CNTNAP5: variants seen among roughly 807,000 people sequenced by gnomAD.
CNTNAP5 encodes contactin associated protein family member 5.
Under a neutral mutation model 150.2 loss-of-function variants are expected in CNTNAP5, and 72 were observed. The observed-to-expected ratio is 0.48, with a 90% CI of 0.40 to 0.58. CNTNAP5 has a LOEUF of 0.58. Ranked by LOEUF, CNTNAP5 falls within the 20% of genes least tolerant of loss-of-function variation. The pLI, the probability that CNTNAP5 is intolerant of heterozygous loss-of-function variation, is 0.00. For missense variants in CNTNAP5, 1,636 were observed against 1,626.2 expected (o/e 1.01, Z -0.10); for synonymous variants, 672 against 619.8 (o/e 1.08, Z -1.25).
chr2:124,597,698 TA>T (rs1160436123), intron 11 of CNTNAP5, among the ~76,000 whole-genome samples: 3 of 151,984 alleles, frequency 2.0e-5, no homozygotes, highest in Non-Finnish European at 2.9e-5. Context: ...CCTGCCTTGC[TA>T]GATTGGAGAA....
intron 19 of CNTNAP5, among the ~76,000 whole-genome samples, chr2:124,860,953 C>A (rs1250442987): frequency 6.6e-6 from 1 of 152,010 alleles, no homozygotes; most frequent in African/African-American, 2.4e-5. Flanking sequence ...GTTTTTAAAT[C>A]TGACCTCATC....
At chr2:124,224,110 T>G (rs1686398536) in intron 2 of CNTNAP5, among the ~76,000 whole-genome samples, 1 of 152,084 alleles carries the variant, frequency 6.6e-6, no homozygotes, top group Non-Finnish European at 1.5e-5. Flanking sequence ...GAATTAATTG[T>G]CTTGGATGGG....
chr2:124,110,315 G>C (rs2104704945), intron 1 of CNTNAP5, among the ~76,000 whole-genome samples: 1 of 152,214 alleles, frequency 6.6e-6, no homozygotes, highest in East Asian at 1.9e-4. Context: ...ACTGACTGTA[G>C]ATTCCATATT....
intron 3 of CNTNAP5, among the ~76,000 whole-genome samples, chr2:124,261,429 A>T (rs1687452276): frequency 6.6e-6 from 1 of 152,168 alleles, no homozygotes; most frequent in Non-Finnish European, 1.5e-5. Flanking sequence ...GCTCCCCAAA[A>T]GAGAGTGAGA....
chr2:124,914,339 TC>T lies in CNTNAP5; in HGVS notation c.*56del. On this transcript the variant is annotated 3_prime_UTR_variant, in exon 24 of 24. Transcript: ENST00000682447. Reference sequence around the variant, plus strand: ...TTTTTCTTGTTGTTCAATTATCTCCTCCCCCTCTTCTCTCCTGTCTTTTGAT... The same window carrying T: ...TTTTTCTTGTTGTTCAATTATCTCCTCCCCTCTTCTCTCCTGTCTTTTGAT... 1 of 1,271,460 alleles carries T rather than the reference TC, an allele frequency of 7.9e-7. No individual in the cohort carries two copies. The highest frequency in any genetic ancestry group is 1.1e-6 in the Non-Finnish European group (1 of 889,392). 78.8% of individuals were successfully genotyped at this position (1,271,460 alleles called of 1,614,324 possible).
intron 19 of CNTNAP5, among the ~76,000 whole-genome samples, chr2:124,856,074 T>C (rs1273485464): frequency 1.5e-5 from 2 of 129,356 alleles, no homozygotes; most frequent in Non-Finnish European, 3.2e-5. Flanking sequence ...TAATAGTCCA[T>C]GGTGTGTGTG....
chr2:124,662,477 C>T (rs1678612525), intron 13 of CNTNAP5, among the ~76,000 whole-genome samples: 1 of 152,130 alleles, frequency 6.6e-6, no homozygotes, highest in African/African-American at 2.4e-5. Flanking sequence ...CAGCACATGA[C>T]TGTATACATG....
chr2:124,711,923 A>G lies in CNTNAP5; in HGVS notation c.2078-35306A>G, dbSNP rs905514661. Among the ~76,000 whole-genome samples, 3 of 152,154 alleles carry G rather than the reference A, an allele frequency of 2.0e-5. No homozygotes were observed. The East Asian group carries it at 5.8e-4, about 29-fold the overall frequency. Reference sequence around the variant, plus strand: ...ACCTCATCACAGATAAGTAATTTCTATTTTTTACTATTTTCCTTAAGCCTG... The same window carrying G: ...ACCTCATCACAGATAAGTAATTTCTGTTTTTTACTATTTTCCTTAAGCCTG... On this transcript the variant is annotated intron_variant, in intron 13 of 23. Coordinates refer to ENST00000682447, the MANE Select transcript of CNTNAP5 (RefSeq NM_001367498.1).
intron 10 of CNTNAP5, among the ~76,000 whole-genome samples, chr2:124,530,633 C>A (rs4848243): frequency 6.6e-6 from 1 of 151,948 alleles, no homozygotes; most frequent in African/African-American, 2.4e-5. Context: ...GCCTTGCGCA[C>A]GGCTCTGGAA....
intron 7 of CNTNAP5, among the ~76,000 whole-genome samples, chr2:124,487,096 G>T (rs923053776): frequency 6.6e-6 from 1 of 152,002 alleles, no homozygotes; most frequent in Admixed American, 6.6e-5. Context: ...TCCACCCATG[G>T]GGTTATCCAG....
chr2:124,862,828 G>A (rs1447460528), intron 19 of CNTNAP5, among the ~76,000 whole-genome samples: 1 of 152,158 alleles, frequency 6.6e-6, no homozygotes, highest in Admixed American at 6.5e-5. Flanking sequence ...TTAGTGGGAG[G>A]TTTCAGAACA....
At chr2:124,461,793 G>A (rs556656143) in intron 6 of CNTNAP5, among the ~76,000 whole-genome samples, 4 of 151,454 alleles carry the variant, frequency 2.6e-5, no homozygotes, top group Non-Finnish European at 2.9e-5. Context: ...CCCAGGAGGT[G>A]GAGGTTGCAG....
intron 19 of CNTNAP5, among the ~76,000 whole-genome samples, chr2:124,829,329 A>C (rs1029083398): frequency 6.6e-6 from 1 of 152,162 alleles, no homozygotes; most frequent in Non-Finnish European, 1.5e-5. Context: ...ACCAGTATGG[A>C]TTGTTCCACA....
At chr2:124,138,175 G>A (rs1010855973) in intron 1 of CNTNAP5, among the ~76,000 whole-genome samples, 2 of 152,120 alleles carry the variant, frequency 1.3e-5, no homozygotes, top group Non-Finnish European at 2.9e-5. Flanking sequence ...TAGTGTATGT[G>A]ATGAGACTCA....
At chr2:124,310,022 G>A (rs533393090) in intron 3 of CNTNAP5, among the ~76,000 whole-genome samples, 1 of 151,646 alleles carries the variant, frequency 6.6e-6, no homozygotes, top group Non-Finnish European at 1.5e-5. Context: ...TCTGCTCTGG[G>A]CAATTTTCAT....
intron 1 of CNTNAP5, among the ~76,000 whole-genome samples, chr2:124,215,406 T>C (rs1371203218): frequency 6.6e-6 from 1 of 152,188 alleles, no homozygotes; most frequent in Non-Finnish European, 1.5e-5. Context: ...AATTTCTCAA[T>C]AGCTGTGTAG....
intron 1 of CNTNAP5, among the ~76,000 whole-genome samples, chr2:124,149,064 C>A (rs1273930769): frequency 6.6e-6 from 1 of 152,030 alleles, no homozygotes; most frequent in Non-Finnish European, 1.5e-5. Context: ...AGCAGCTGTT[C>A]TTTTTCAGTT....
At chr2:124,730,131 A>T (rs993876188) in intron 13 of CNTNAP5, among the ~76,000 whole-genome samples, 1 of 152,046 alleles carries the variant, frequency 6.6e-6, no homozygotes, top group Non-Finnish European at 1.5e-5. Flanking sequence ...GAAGACTTGC[A>T]CCATGTTATC....
At chr2:124,588,262 T>C (rs1358709126) in intron 11 of CNTNAP5, among the ~76,000 whole-genome samples, 1 of 150,986 alleles carries the variant, frequency 6.6e-6, no homozygotes, top group Non-Finnish European at 1.5e-5. Flanking sequence ...CTCTTTCTTC[T>C]TCTTTTCTTT....
Sources: gnomAD v4.1 joint callset for allele counts (sites outside exome capture counted in the v4.1 genomes callset) on GRCh38, gnomAD v4.1.1 for gene constraint, MANE v1.5 for transcripts, NCBI Gene and HGNC (gene_info 2026-07-23, HGNC 2026-07-21) for gene names.